The following RMDN3 variants were observed in gnomAD, a reference collection of about 807,000 sequenced individuals.
RMDN3 encodes the protein regulator of microtubule dynamics 3, also known as regulator of microtubule dynamics protein 3.
A neutral mutation model predicts 61.8 loss-of-function variants in RMDN3; 41 were observed. The ratio of observed to expected loss-of-function variants is 0.66; its 90% confidence interval spans 0.52 to 0.86. The LOEUF is 0.86. RMDN3 is among the 40% of genes least tolerant of loss of function. RMDN3 has a pLI of 0.00. For missense variants in RMDN3, 557 were observed against 585.3 expected (o/e 0.95, Z 0.50); for synonymous variants, 247 against 232.0 (o/e 1.06, Z -0.59).
At chr15:40,752,933 A>G (rs758869464) in intron 2 of RMDN3, among the ~76,000 whole-genome samples, 1 of 152,232 alleles carries the variant, frequency 6.6e-6, no homozygotes, top group African/African-American at 2.4e-5. Flanking sequence ...GTAAAAAACT[A>G]GGCCAGGCCA....
chr15:40,743,806 C>G (rs992645992), intron 6 of RMDN3, among the ~76,000 whole-genome samples: 1 of 152,238 alleles, frequency 6.6e-6, no homozygotes, highest in African/African-American at 2.4e-5. Flanking sequence ...TAGGATACAA[C>G]TACTCCTAGA....
rs928595935 is a variant in RMDN3, at chr15:40,736,676, C to T, written c.1360-82G>A. The T allele has an allele frequency of 1.9e-5, 23 of 1,201,450 alleles. No homozygotes were observed. The South Asian group carries it at 2.6e-4, about 13-fold the overall frequency. The allele number at this position is 1,201,450 out of a possible 1,614,324, so 74.4% of individuals were successfully genotyped here. On this transcript the variant is annotated intron_variant, in intron 12 of 12. Transcript: ENST00000338376. ...CCAGTGGAACCTAAGAAGAGGGGCC[C>T]TTTGCTTCCTTCCTGAGCTCTGCTA...
chr15:40,737,820 G>C, intron 9 of RMDN3, 94 bp from the exon 10 acceptor site: 1 of 1,480,050 alleles, frequency 6.8e-7, no homozygotes, highest in Non-Finnish European at 9.4e-7. Flanking sequence ...GTCAAACGGG[G>C]CTGGGTCGAA....
chr15:40,749,892 C>T (rs1897738284), intron 4 of RMDN3, among the ~76,000 whole-genome samples: 1 of 152,120 alleles, frequency 6.6e-6, no homozygotes. Context: ...AACAGCAGTC[C>T]CCCATGGAAG....
In RMDN3 at chr15:40,736,326, G is replaced by A; in HGVS notation, c.*215C>T. Reference sequence around the variant, plus strand: ...TTTTTAAGAGATTACTCAAGGGAGAGAACAACAGAAACGGAAGCCATGAGT... The same window carrying A: ...TTTTTAAGAGATTACTCAAGGGAGAAAACAACAGAAACGGAAGCCATGAGT... On this transcript the variant is annotated 3_prime_UTR_variant, in exon 13 of 13. Coordinates refer to ENST00000338376, the MANE Select transcript of RMDN3 (RefSeq NM_018145.3). The A allele has an allele frequency of 3.9e-6, 2 of 519,386 alleles. No homozygotes were observed. The highest frequency in any genetic ancestry group is 3.0e-5 in the South Asian group (1 of 33,024). The allele number at this position is 519,386 out of a possible 1,614,324, so 32.2% of individuals were successfully genotyped here.
At chr15:40,749,961 A>G (rs1236799737) in intron 4 of RMDN3, among the ~76,000 whole-genome samples, 1 of 152,150 alleles carries the variant, frequency 6.6e-6, no homozygotes, top group African/African-American at 2.4e-5. Flanking sequence ...GCACTCATCA[A>G]ATCCAGCGTT....
chr15:40,754,468 A>G (rs781301499), intron 2 of RMDN3, 129 bp downstream of exon 2: 8 of 973,424 alleles, frequency 8.2e-6, no homozygotes, highest in South Asian at 2.1e-5. Context: ...TTTTTCAACA[A>G]GCTTCCAAAA....
chr15:40,752,488 T>C, intron 2 of RMDN3, among the ~76,000 whole-genome samples: 1 of 114,450 alleles, frequency 8.7e-6, no homozygotes, highest in East Asian at 3.5e-4. Context: ...CTGCTAGAGT[T>C]AAAAAAAAAC....
Position 40,751,424 on chromosome 15 carries a change from AC to A in RMDN3, c.524+1del. ...TAACTGCCTCCAAGAGAGACAACTC[AC>A]CCCCCTTCACTCTCAGCATCTGTGA... is the stretch of plus-strand genomic sequence containing the variant. On this transcript the variant is annotated splice_donor_variant, in intron 4 of 12. Coordinates refer to ENST00000338376, the MANE Select transcript of RMDN3 (RefSeq NM_018145.3). LOFTEE classifies it high-confidence loss of function. 6.2e-7 allele frequency: 1 copy of A among 1,613,744 alleles called. No individual in the cohort carries two copies. The highest frequency in any genetic ancestry group is 1.1e-5 in the South Asian group (1 of 91,070).
intron 9 of RMDN3, 61 bp from the exon 10 acceptor site, chr15:40,737,787 TTTGGGGATATA>T: frequency 6.4e-7 from 1 of 1,554,722 alleles, no homozygotes; most frequent in African/African-American, 1.4e-5. Context: ...TCTTTAAATC[TTTGGGGATATA>T]TTGAAAATAG....
At chr15:40,741,165 GTTGTATAAAAT>G (rs1567063072) in intron 6 of RMDN3, among the ~76,000 whole-genome samples, 1 of 152,002 alleles carries the variant, frequency 6.6e-6, no homozygotes, top group Non-Finnish European at 1.5e-5. Context: ...TGAATCTCAA[GTTGTATAAAAT>G]TTAAGTAAGT....
chr15:40,736,317 C>A lies in RMDN3; in HGVS notation c.*224G>T. On this transcript the variant is annotated 3_prime_UTR_variant, in exon 13 of 13. Transcript: ENST00000338376. Reference sequence around the variant, plus strand: ...ATCTTGATTTTTTTAAGAGATTACTCAAGGGAGAGAACAACAGAAACGGAA... The same window carrying A: ...ATCTTGATTTTTTTAAGAGATTACTAAAGGGAGAGAACAACAGAAACGGAA... 2.0e-6 allele frequency: 1 copy of A among 499,784 alleles called. No individual in the cohort carries two copies. Among genetic ancestry groups the A allele is most frequent in the South Asian group, 3.4e-5 (1 of 29,508 alleles). The allele number at this position is 499,784 out of a possible 1,614,324, so 31.0% of individuals were successfully genotyped here.
At chr15:40,745,875 C>T (rs1897520743) in intron 4 of RMDN3, among the ~76,000 whole-genome samples, 1 of 152,192 alleles carries the variant, frequency 6.6e-6, no homozygotes, top group Admixed American at 6.5e-5. Context: ...ACACACACAT[C>T]CACAAACTCG....
chr15:40,736,979 G>A (rs12441514), intron 12 of RMDN3, 145 bp downstream of exon 12: 392,910 of 728,774 alleles, frequency 0.54, 110,156 homozygotes, highest in East Asian at 0.82. Flanking sequence ...TCAGCTTCCC[G>A]AGTAGCTGGA....
chr15:40,746,282 G>C (rs1046777673), intron 4 of RMDN3, among the ~76,000 whole-genome samples: 8 of 152,264 alleles, frequency 5.3e-5, no homozygotes, highest in African/African-American at 1.7e-4. Context: ...TTGGGAGGCC[G>C]AGGCGGGCGG....
At position 40,744,044 on chromosome 15, in the gene RMDN3, T is replaced by TA; in HGVS notation, c.910+2dup. 1.2e-6 allele frequency: 2 copies of TA among 1,609,744 alleles called. No homozygotes were observed. The highest frequency in any genetic ancestry group is 1.1e-5 in the South Asian group (1 of 90,752). Reference sequence around the variant, plus strand: ...CTTCCCACAGGAAGCTGTCAGCACTTACCATCTAGGGCATATGACTTCTTC... The same window carrying TA: ...CTTCCCACAGGAAGCTGTCAGCACTTAACCATCTAGGGCATATGACTTCTTC... On this transcript the variant is annotated splice_region_variant and intron_variant, in intron 6 of 12. Coordinates refer to ENST00000338376, the MANE Select transcript of RMDN3 (RefSeq NM_018145.3).
At chr15:40,745,370 CAAATCACAATCATT>C in intron 4 of RMDN3, 111 bp from the exon 5 acceptor site, 7 of 1,017,348 alleles carry the variant, frequency 6.9e-6, no homozygotes, top group Non-Finnish European at 1.0e-5. Context: ...TCCAAAGCAC[CAAATCACAATCATT>C]CATACCTCTT....
chr15:40,744,926 G>C, intron 5 of RMDN3, 51 bp downstream of exon 5: 6 of 1,524,322 alleles, frequency 3.9e-6, no homozygotes, highest in Non-Finnish European at 5.3e-6. Flanking sequence ...CAGGAACAGA[G>C]AGATGGAGGG....
Position 40,745,160 on chromosome 15 carries a change from C to T in RMDN3, c.624G>A (p.Gly208=). ...CCTCCAAGTCAAGAGAATCCTTTCT[C>T]CCCATCTTCACAGTCTCACAGCTCA... ...DEVSCETVKM[G]RKDSLDLEEE... is the part of the protein sequence containing the mutation. Residue 208 remains glycine, a synonymous_variant, in exon 5 of 13, where the codon GGG becomes GGA. Coordinates refer to ENST00000338376, the MANE Select transcript of RMDN3 (RefSeq NM_018145.3). 1 of 1,614,144 alleles carries T rather than the reference C, an allele frequency of 6.2e-7. No individual in the cohort carries two copies. Among genetic ancestry groups the T allele is most frequent in the South Asian group, 1.1e-5 (1 of 91,082 alleles).
Sources: gnomAD v4.1 joint callset for allele counts (sites outside exome capture counted in the v4.1 genomes callset) on GRCh38, gnomAD v4.1.1 for gene constraint, MANE v1.5 for transcripts, NCBI Gene and HGNC (gene_info 2026-07-23, HGNC 2026-07-21) for gene names.